Variants in SFRP1 observed in about 807,000 individuals in gnomAD.
SFRP1 encodes secreted frizzled-related protein 1.
A neutral mutation model predicts 25.9 loss-of-function variants in SFRP1; 9 were observed. The ratio of observed to expected loss-of-function variants is 0.35; its 90% CI spans 0.21 to 0.61. The LOEUF is 0.61. SFRP1 is among the 20% of genes least tolerant of loss of function. The probability of loss-of-function intolerance (pLI) is 0.78; values close to 1 mark genes in which losing one functional copy is unlikely to be tolerated. For missense variants in SFRP1, 346 were observed against 418.2 expected, an observed-to-expected ratio of 0.83 and a Z score of 1.51; for synonymous variants, 178 against 174.0, an observed-to-expected ratio of 1.02 and a Z score of -0.18.
intron 2 of SFRP1, among the ~76,000 whole-genome samples, chr8:41,285,560 T>C (rs758120586): frequency 6.6e-6 from 1 of 152,108 alleles, no homozygotes; most frequent in Non-Finnish European, 1.5e-5. Flanking sequence ...TAAAAAGAAA[T>C]GCGGCTGCAG....
At chr8:41,303,318 C>A (rs1254773912) in intron 2 of SFRP1, 143 bp downstream of exon 2, 1 of 673,624 alleles carries the variant, frequency 1.5e-6, no homozygotes, top group African/African-American at 1.8e-5. Flanking sequence ...TCCCATCTGC[C>A]TGAGAAAAGC....
intron 2 of SFRP1, among the ~76,000 whole-genome samples, chr8:41,273,982 C>T (rs1303855830): frequency 1.3e-5 from 2 of 152,314 alleles, no homozygotes; most frequent in East Asian, 1.9e-4. Flanking sequence ...CCAATAATGG[C>T]TGTTTCTCTT....
Position 41,265,421 on chromosome 8 carries a change from T to G in SFRP1, c.691A>C (p.Lys231Gln), listed in dbSNP as rs1186978741. 6 of 1,612,672 alleles carry G rather than the reference T, an allele frequency of 3.7e-6. No homozygotes were observed. The highest frequency in any genetic ancestry group is 1.1e-5 in the South Asian group (1 of 90,666). The change falls in exon 3 of 3, where the codon AAG becomes CAG. Residue 231 changes from lysine to glutamine, a missense_variant. By Grantham distance (53) the Lys-to-Gln change is moderately conservative. Coordinates refer to ENST00000220772, the MANE Select transcript of SFRP1 (RefSeq NM_003012.5). ...GDKKIVPKKK[K>Q]PLKLGPIKKK... is the part of the protein sequence containing the mutation. ...TTGATGGGCCCCAACTTCAGGGGCT[T>G]CTTCTTCTTGGGGACAATCTTCTTG...
At chr8:41,274,845 T>C (rs1482405298) in intron 2 of SFRP1, among the ~76,000 whole-genome samples, 4 of 152,178 alleles carry the variant, frequency 2.6e-5, no homozygotes, top group Non-Finnish European at 4.4e-5. Context: ...ATATAAAATA[T>C]AAATGAACCA....
chr8:41,306,410 C>T (rs1803997257), intron 1 of SFRP1, among the ~76,000 whole-genome samples: 1 of 152,096 alleles, frequency 6.6e-6, no homozygotes, highest in South Asian at 2.1e-4. Context: ...CAGTTACGAC[C>T]CCACAGCCAC....
At chr8:41,269,888 G>A (rs1234618967) in intron 2 of SFRP1, among the ~76,000 whole-genome samples, 1 of 152,172 alleles carries the variant, frequency 6.6e-6, no homozygotes, top group Non-Finnish European at 1.5e-5. Context: ...GGACATACTA[G>A]AGAGCGCCTT....
chr8:41,274,446 G>T (rs1424582166), intron 2 of SFRP1, among the ~76,000 whole-genome samples: 1 of 152,144 alleles, frequency 6.6e-6, no homozygotes, highest in East Asian at 1.9e-4. Flanking sequence ...ACACTACATG[G>T]CTCAGCTGCA....
At chr8:41,294,973 G>T (rs1360266683) in intron 2 of SFRP1, among the ~76,000 whole-genome samples, 2 of 152,162 alleles carry the variant, frequency 1.3e-5, no homozygotes, top group Admixed American at 6.6e-5. Flanking sequence ...GAACCCCAAG[G>T]CTAGTGTGAT....
rs577134992 is a variant in SFRP1, at chr8:41,268,915, G to C, written c.623-3426C>G. Among the ~76,000 whole-genome samples the C allele has an allele frequency of 1.4e-4, 21 of 152,354 alleles. No homozygotes were observed. In the South Asian group the frequency reaches 1.9e-3, roughly 14 times the overall value. ...AATTTGCAATGCAAATGGTGGTGGTGAACAAACAGAAGCCCAGAAGGTAGC... is the reference window on the plus strand; with the variant it reads ...AATTTGCAATGCAAATGGTGGTGGTCAACAAACAGAAGCCCAGAAGGTAGC... On this transcript the variant is annotated intron_variant, in intron 2 of 2. Coordinates refer to ENST00000220772, the MANE Select transcript of SFRP1 (RefSeq NM_003012.5).
chr8:41,304,813 G>T (rs2117521432), intron 1 of SFRP1, among the ~76,000 whole-genome samples: 1 of 152,120 alleles, frequency 6.6e-6, no homozygotes, highest in East Asian at 1.9e-4. Flanking sequence ...CAGGGTCCCT[G>T]CAGGGCCCAG....
At position 41,308,717 on chromosome 8, in the gene SFRP1, C is replaced by T; in HGVS notation, c.443G>A (p.Gly148Asp). 6.2e-7 allele frequency: 1 copy of T among 1,611,188 alleles called. No individual in the cohort carries two copies. Among genetic ancestry groups the T allele is most frequent in the Non-Finnish European group, 8.5e-7 (1 of 1,178,700 alleles). Reference protein sequence around the residue: ...DSCEPVMQFFGFYWPEMLKCD... With the variant: ...DSCEPVMQFFDFYWPEMLKCD... ...CTTAAGCATCTCGGGCCAGTAGAAG[C>T]CGAAGAACTGCATGACCGGCTCGCA... The change falls in exon 1 of 3, where the codon GGC (glycine) becomes GAC (aspartate). Residue 148 changes from glycine (G) to aspartate (D), a missense_variant. Physicochemically the swap from Gly to Asp is moderately conservative, Grantham distance 94. Coordinates refer to ENST00000220772, the MANE Select transcript of SFRP1 (RefSeq NM_003012.5).
At chr8:41,300,943 T>C (rs1803907907) in intron 2 of SFRP1, among the ~76,000 whole-genome samples, 1 of 152,152 alleles carries the variant, frequency 6.6e-6, no homozygotes, top group East Asian at 1.9e-4. Flanking sequence ...GTTTTTTTCC[T>C]GTTGGGGAAA....
chr8:41,277,499 G>A (rs1226892494), intron 2 of SFRP1, among the ~76,000 whole-genome samples: 1 of 152,216 alleles, frequency 6.6e-6, no homozygotes, highest in Non-Finnish European at 1.5e-5. Context: ...CTCGCTCTGA[G>A]AGATGCTAGA....
At chr8:41,288,943 A>G (rs1803742842) in intron 2 of SFRP1, among the ~76,000 whole-genome samples, 1 of 152,198 alleles carries the variant, frequency 6.6e-6, no homozygotes. Flanking sequence ...CGCTGGGGCC[A>G]GGATGTCCAG....
At chr8:41,301,332 G>C (rs1359766187) in intron 2 of SFRP1, among the ~76,000 whole-genome samples, 1 of 152,114 alleles carries the variant, frequency 6.6e-6, no homozygotes, top group Non-Finnish European at 1.5e-5. Context: ...CATCAGTGTG[G>C]CTGACTGCCT....
At chr8:41,270,777 C>T (rs1311907929) in intron 2 of SFRP1, among the ~76,000 whole-genome samples, 2 of 148,414 alleles carry the variant, frequency 1.3e-5, no homozygotes, top group East Asian at 2.0e-4. Context: ...GAGCCGAGAG[C>T]GCACACTGCA....
intron 1 of SFRP1, among the ~76,000 whole-genome samples, chr8:41,304,756 C>G (rs1803972597): frequency 1.3e-5 from 2 of 152,146 alleles, no homozygotes; most frequent in African/African-American, 4.8e-5. Flanking sequence ...CAGATCAAGG[C>G]TGCCCTCAGG....
intron 2 of SFRP1, chr8:41,275,011 T>C (rs927973602): frequency 2.8e-4 from 81 of 293,456 alleles, no homozygotes; most frequent in Non-Finnish European, 4.7e-4. Context: ...GTTTCCTTTT[T>C]TTTTCTTTTT....
intron 2 of SFRP1, among the ~76,000 whole-genome samples, chr8:41,274,843 T>C (rs1803552467): frequency 6.6e-6 from 1 of 152,164 alleles, no homozygotes; most frequent in South Asian, 2.1e-4. Flanking sequence ...GTATATAAAA[T>C]ATAAATGAAC....
Sources: gnomAD v4.1 joint callset for allele counts (sites outside exome capture counted in the v4.1 genomes callset) on GRCh38, gnomAD v4.1.1 for gene constraint, MANE v1.5 for transcripts, NCBI Gene and HGNC (gene_info 2026-07-23, HGNC 2026-07-21) for gene names.